The following MIA2 variants were observed in gnomAD, a reference collection of about 807,000 sequenced individuals.
MIA2 encodes the protein MIA SH3 domain ER export factor 2.
Under a neutral mutation model 167.8 loss-of-function variants are expected in MIA2, and 127 were observed. The ratio of observed to expected loss-of-function variants is 0.76; its 90% CI spans 0.66 to 0.88. The LOEUF is 0.88. Among genes scored for constraint, MIA2 ranks in the 40% least tolerant of loss-of-function variants. The pLI is 0.00. For synonymous variants in MIA2, 552 were observed against 541.9 expected (o/e 1.02, Z -0.26); for missense variants, 1,690 against 1,624.7 (o/e 1.04, Z -0.69).
At chr14:39,381,300 A>G (rs372373700) in intron 23 of MIA2, among the ~76,000 whole-genome samples, 17 of 152,316 alleles carry the variant, frequency 1.1e-4, no homozygotes, top group Non-Finnish European at 1.5e-4. Flanking sequence ...CCTTTTTCTC[A>G]AAAAAGATTC....
At position 39,233,959 on chromosome 14, in the gene MIA2, T is replaced by A. The variant is rs1425298830; in HGVS notation, c.-156T>A. 2.0e-6 allele frequency: 1 copy of A among 496,544 alleles called. No individual in the cohort carries two copies. Among genetic ancestry groups the A allele is most frequent in the Non-Finnish European group, 3.6e-6 (1 of 280,222 alleles). The allele number at this position is 496,544 out of a possible 1,614,324, so 30.8% of individuals were successfully genotyped here. ...CTCTCAAGTTAAACCAACAAGCCGA[T>A]AGAAAAAGGTAGTTATCAAGAGATT... On this transcript the variant is annotated 5_prime_UTR_variant, in exon 1 of 29. Coordinates refer to ENST00000640607, the MANE Select transcript of MIA2 (RefSeq NM_001329214.4).
chr14:39,348,942 G>A lies in MIA2; in HGVS notation c.4037G>A (p.Gly1346Glu), dbSNP rs2073968683. ...GCTTCTCGAGATTATTTTCCACCAG[G>A]GGATTTCCCAGGTCCACCACCTGCT... ...FGASRDYFPPGDFPGPPPAPF... is the reference protein window; with the variant it reads ...FGASRDYFPPEDFPGPPPAPF... The change falls in exon 28 of 29, where the codon GGG (glycine) becomes GAG (glutamate). Residue 1346 changes from glycine to glutamate, a missense_variant. Physicochemically the swap from Gly to Glu is moderately conservative, Grantham distance 98. Transcript: ENST00000640607. The A allele has an allele frequency of 6.2e-7, 1 of 1,613,870 alleles. No homozygotes were observed. Among genetic ancestry groups the A allele is most frequent in the Admixed American group, 1.7e-5 (1 of 59,982 alleles).
At chr14:39,303,611 A>AT in intron 16 of MIA2, 87 bp downstream of exon 16, 1 of 880,472 alleles carries the variant, frequency 1.1e-6, no homozygotes, top group Non-Finnish European at 1.8e-6. Context: ...TAAAAAGTCC[A>AT]TTTTATTGTT....
intron 23 of MIA2, among the ~76,000 whole-genome samples, chr14:39,359,992 G>GTTTTTTTTTTTTTTTT (rs58076493): frequency 7.8e-6 from 1 of 128,816 alleles, no homozygotes; most frequent in Non-Finnish European, 1.7e-5. Context: ...TCTGCAGCAT[G>GTTTTTTTTTTTTTTTT]TTTTTTTTTT....
chr14:39,285,721 C>T (rs1324587566), intron 9 of MIA2, among the ~76,000 whole-genome samples: 1 of 125,130 alleles, frequency 8.0e-6, no homozygotes, highest in Admixed American at 8.4e-5. Context: ...CCTCACTTCC[C>T]AGACGGGGCA....
At chr14:39,358,197 A>T (rs2074580820) in intron 23 of MIA2, among the ~76,000 whole-genome samples, 1 of 152,160 alleles carries the variant, frequency 6.6e-6, no homozygotes, top group African/African-American at 2.4e-5. Context: ...CACCAATCAG[A>T]CATAGATTTG....
At chr14:39,331,748 T>G (rs561228465) in intron 25 of MIA2, among the ~76,000 whole-genome samples, 1 of 152,334 alleles carries the variant, frequency 6.6e-6, no homozygotes, top group East Asian at 1.9e-4. Flanking sequence ...AATTCTGGGT[T>G]GAAAATTCTT....
chr14:39,336,376 C>G (rs1468275238), intron 25 of MIA2, among the ~76,000 whole-genome samples: 3 of 152,154 alleles, frequency 2.0e-5, no homozygotes, highest in Non-Finnish European at 4.4e-5. Flanking sequence ...AAGTATACAC[C>G]TAGTTTCTTC....
chr14:39,234,818 AATATAAAGCTTTC>A (rs2053658635), intron 1 of MIA2, among the ~76,000 whole-genome samples: 1 of 152,056 alleles, frequency 6.6e-6, no homozygotes, highest in Non-Finnish European at 1.5e-5. Context: ...TATATCATTG[AATATAAAGCTTTC>A]TTTACTGTAA....
chr14:39,320,379 TG>T (rs2066202050), intron 23 of MIA2, among the ~76,000 whole-genome samples: 1 of 152,206 alleles, frequency 6.6e-6, no homozygotes, highest in Admixed American at 6.5e-5. Flanking sequence ...AATTAGTATT[TG>T]TAAGCTGACT....
At chr14:39,366,683 C>T (rs1220860547) in intron 23 of MIA2, among the ~76,000 whole-genome samples, 3 of 152,166 alleles carry the variant, frequency 2.0e-5, no homozygotes, top group Admixed American at 6.5e-5. Context: ...TGCATGGGTG[C>T]AGTTTGTGGT....
rs111830470 is a variant in MIA2, at chr14:39,261,795, G to C, written c.1887+8624G>C. ...TGGCTGCATAAATGTCTTCTTTTGA[G>C]AAGTGTCTGTTCATATCCTTCACCC... On this transcript the variant is annotated intron_variant, in intron 6 of 28. Transcript: ENST00000640607. Among the ~76,000 whole-genome samples, 6 of 152,260 alleles carry C rather than the reference G, an allele frequency of 3.9e-5. 1 individual carries two copies. Among genetic ancestry groups the C allele is most frequent in the African/African-American group, 1.2e-4 (5 of 41,530 alleles).
rs2053630675 is a variant in MIA2 at position 39,234,229 on chromosome 14, G to A, written c.115G>A (p.Ala39Thr). 2.5e-6 allele frequency: 4 copies of A among 1,594,336 alleles called. No individual in the cohort carries two copies. The highest frequency in any genetic ancestry group is 1.7e-5 in the Admixed American group (1 of 57,968). ...LKKCGDLECE[A>T]LINRVSAMRD... ...AAAATGTGGTGACTTGGAATGTGAA[G>A]GTAAGTTTGCTTCCCCCGCTTCTTC... The change falls in exon 1 of 29, where the codon GCT (alanine) becomes ACT (threonine). Residue 39 changes from alanine (A) to threonine (T), a missense_variant and splice_region_variant. Coordinates refer to ENST00000640607, the MANE Select transcript of MIA2 (RefSeq NM_001329214.4).
intron 25 of MIA2, among the ~76,000 whole-genome samples, chr14:39,339,046 G>A (rs558261789): frequency 4.6e-5 from 7 of 152,222 alleles, no homozygotes; most frequent in South Asian, 4.1e-4. Flanking sequence ...GGATGGTTTC[G>A]GGATGAAAGT....
At chr14:39,365,989 T>C (rs1045978339) in intron 23 of MIA2, among the ~76,000 whole-genome samples, 10 of 152,230 alleles carry the variant, frequency 6.6e-5, no homozygotes, top group Middle Eastern at 3.2e-3. Context: ...GCCAGACTTT[T>C]TCCTAAAAGT....
intron 23 of MIA2, among the ~76,000 whole-genome samples, chr14:39,365,616 CT>C (rs1218254333): frequency 4.0e-5 from 6 of 151,418 alleles, no homozygotes; most frequent in Non-Finnish European, 5.9e-5. Flanking sequence ...GTATTGAATT[CT>C]TTCATTCTAG....
chr14:39,342,027 T>A (rs201355077), intron 25 of MIA2, among the ~76,000 whole-genome samples: 11 of 151,972 alleles, frequency 7.2e-5, no homozygotes, highest in East Asian at 5.8e-4. Flanking sequence ...AAAAAAAAAA[T>A]TTTATTATAC....
chr14:39,249,373 C>T (rs2054457303), intron 4 of MIA2, among the ~76,000 whole-genome samples: 1 of 151,898 alleles, frequency 6.6e-6, no homozygotes, highest in African/African-American at 2.4e-5. Flanking sequence ...AACTCCTAGG[C>T]TCAAGGGATC....
intron 9 of MIA2, among the ~76,000 whole-genome samples, chr14:39,281,770 C>T (rs368605417): frequency 1.3e-4 from 19 of 151,692 alleles, no homozygotes; most frequent in Non-Finnish European, 2.1e-4. Context: ...TACAGGCACA[C>T]GCTGCCACGC....
Sources: gnomAD v4.1 joint callset for allele counts (sites outside exome capture counted in the v4.1 genomes callset) on GRCh38, gnomAD v4.1.1 for gene constraint, MANE v1.5 for transcripts, NCBI Gene and HGNC (gene_info 2026-07-23, HGNC 2026-07-21) for gene names.